Variants in APBA2 observed in about 807,000 individuals in gnomAD.
APBA2 encodes amyloid-beta A4 precursor protein-binding family A member 2.
A neutral mutation model predicts 75.0 loss-of-function variants in APBA2; 30 were observed. That is an observed-to-expected ratio of 0.40 (90% CI 0.30 to 0.54). APBA2 has a LOEUF of 0.54. Among genes scored for constraint, APBA2 ranks in the 20% least tolerant of loss-of-function variants. APBA2 has a pLI of 0.49. For synonymous variants in APBA2, 444 were observed against 409.6 expected, an observed-to-expected ratio of 1.08 and a Z score of -1.01; for missense variants, 801 against 1,016.1, an observed-to-expected ratio of 0.79 and a Z score of 2.88.
At chr15:28,954,968 G>T (rs1291880276) in intron 2 of APBA2, among the ~76,000 whole-genome samples, 1 of 152,098 alleles carries the variant, frequency 6.6e-6, no homozygotes, top group Non-Finnish European at 1.5e-5. Flanking sequence ...TGGTAGGGTT[G>T]GTTTCCTATG....
At chr15:28,895,892 G>A (rs2032451697) in intron 1 of APBA2, among the ~76,000 whole-genome samples, 1 of 152,124 alleles carries the variant, frequency 6.6e-6, no homozygotes, top group African/African-American at 2.4e-5. Context: ...AGGGAGGCTC[G>A]CTTAAGCCCA....
At chr15:29,105,777 A>AT (rs1177931307) in intron 11 of APBA2, among the ~76,000 whole-genome samples, 1 of 152,218 alleles carries the variant, frequency 6.6e-6, no homozygotes, top group Non-Finnish European at 1.5e-5. Context: ...GTCAGCTTTA[A>AT]TGACCTCGAA....
intron 4 of APBA2, chr15:29,071,051 A>T (rs913412624): frequency 4.4e-6 from 2 of 456,680 alleles, no homozygotes; most frequent in Non-Finnish European, 8.8e-6. Flanking sequence ...CTGTCATTCC[A>T]GAGAGTGCTT....
chr15:29,108,652 TC>T (rs2044570272), intron 13 of APBA2: 1 of 579,748 alleles, frequency 1.7e-6, no homozygotes, highest in East Asian at 3.0e-5. Context: ...ATGGTGGTTG[TC>T]CCCTGCTTTG....
intron 2 of APBA2, among the ~76,000 whole-genome samples, chr15:28,966,262 C>T (rs937387824): frequency 6.6e-6 from 1 of 151,968 alleles, no homozygotes; most frequent in Non-Finnish European, 1.5e-5. Context: ...ATCTTCTGTC[C>T]AGTAGTTGTG....
intron 2 of APBA2, among the ~76,000 whole-genome samples, chr15:28,980,547 A>G (rs1440253006): frequency 6.6e-6 from 1 of 152,232 alleles, no homozygotes; most frequent in Non-Finnish European, 1.5e-5. Context: ...CAGAGATGAC[A>G]CAAACAAATG....
chr15:29,034,366 G>A (rs140847289), intron 3 of APBA2, among the ~76,000 whole-genome samples: 118 of 152,206 alleles, frequency 7.8e-4, no homozygotes, highest in Admixed American at 1.0e-3. Flanking sequence ...ACTTTGGAAC[G>A]CACCACGAAT....
intron 3 of APBA2, among the ~76,000 whole-genome samples, chr15:29,053,022 G>A (rs920247694): frequency 5.3e-5 from 8 of 152,164 alleles, no homozygotes; most frequent in East Asian, 3.9e-4. Context: ...AGTCTCCAAC[G>A]CATGAACTTT....
intron 7 of APBA2, 74 bp from the exon 8 acceptor site, chr15:29,094,204 C>T: frequency 1.3e-6 from 2 of 1,550,238 alleles, no homozygotes; most frequent in Non-Finnish European, 1.8e-6. Flanking sequence ...CATCAACCAC[C>T]AAAGTGACAT....
chr15:28,902,865 C>CTGTTTCATGGGAACAG (rs1461541179), intron 1 of APBA2, among the ~76,000 whole-genome samples: 3 of 152,166 alleles, frequency 2.0e-5, no homozygotes, highest in Non-Finnish European at 1.5e-5. Flanking sequence ...TTCGGTTCCT[C>CTGTTTCATGGGAACAG]TTTACTGTTC....
intron 2 of APBA2, among the ~76,000 whole-genome samples, chr15:28,936,372 G>A (rs989393268): frequency 6.6e-6 from 1 of 152,236 alleles, no homozygotes; most frequent in Non-Finnish European, 1.5e-5. Flanking sequence ...TCATGGGCAG[G>A]AAAAGCATTT....
chr15:28,914,825 G>A (rs1334606090), intron 1 of APBA2, among the ~76,000 whole-genome samples: 1 of 151,906 alleles, frequency 6.6e-6, no homozygotes, highest in African/African-American at 2.4e-5. Context: ...CTGGCCACTC[G>A]CCAACTGAGC....
intron 2 of APBA2, among the ~76,000 whole-genome samples, chr15:28,944,835 G>T (rs905604606): frequency 6.6e-6 from 1 of 152,222 alleles, no homozygotes; most frequent in Non-Finnish European, 1.5e-5. Context: ...AAAGGTCCGG[G>T]CAGCACTGCA....
chr15:28,943,954 G>A (rs1048464825), intron 2 of APBA2, among the ~76,000 whole-genome samples: 3 of 152,086 alleles, frequency 2.0e-5, no homozygotes, highest in African/African-American at 7.2e-5. Flanking sequence ...CCCTGCCGTG[G>A]CCCCCATGCT....
intron 2 of APBA2, among the ~76,000 whole-genome samples, chr15:28,928,538 C>T (rs1224891742): frequency 1.3e-5 from 2 of 152,158 alleles, no homozygotes; most frequent in South Asian, 2.1e-4. Context: ...TCCCATTTCC[C>T]TGGGCTGTGA....
chr15:28,957,443 G>A (rs1425436346), intron 2 of APBA2, among the ~76,000 whole-genome samples: 1 of 152,138 alleles, frequency 6.6e-6, no homozygotes, highest in Non-Finnish European at 1.5e-5. Context: ...AGATCATATG[G>A]TGATTCTATT....
At position 29,055,226 on chromosome 15, in the gene APBA2, C is replaced by T. The variant is rs995910358; in HGVS notation, c.951+391C>T. ...CAGACCAGCAGGGCAGTGGCAAAGA[C>T]GTGGGGGTGCTGGTGCTCACCCACT... On this transcript the variant is annotated intron_variant, in intron 4 of 14. Coordinates refer to ENST00000683413, the MANE Select transcript of APBA2 (RefSeq NM_001353788.2). 2.6e-4 allele frequency among the ~76,000 whole-genome samples: 39 copies of T among 152,242 alleles called. 1 individual carries two copies. The highest frequency in any genetic ancestry group is 4.6e-4 in the Non-Finnish European group (31 of 68,012).
At chr15:28,996,678 G>C (rs1274054136) in intron 3 of APBA2, among the ~76,000 whole-genome samples, 1 of 152,216 alleles carries the variant, frequency 6.6e-6, no homozygotes, top group East Asian at 1.9e-4. Context: ...GCAGAGCCAG[G>C]GATGGTCTTC....
intron 2 of APBA2, among the ~76,000 whole-genome samples, chr15:28,959,282 C>G (rs990689645): frequency 6.6e-5 from 10 of 152,188 alleles, no homozygotes; most frequent in African/African-American, 2.4e-4. Flanking sequence ...CCTCCGCATT[C>G]AAATATATGT....
Sources: gnomAD v4.1 joint callset for allele counts (sites outside exome capture counted in the v4.1 genomes callset) on GRCh38, gnomAD v4.1.1 for gene constraint, MANE v1.5 for transcripts, NCBI Gene and HGNC (gene_info 2026-07-23, HGNC 2026-07-21) for gene names.